Variants in COL22A1 observed in about 807,000 individuals in gnomAD.
COL22A1 encodes the protein collagen type XXII alpha 1 chain, also known as collagen alpha-1(XXII) chain.
COL22A1 carries 221 observed loss-of-function variants against 248.9 expected under a neutral mutation model. The ratio of observed to expected loss-of-function variants is 0.89; its 90% CI spans 0.80 to 0.99. The LOEUF (loss-of-function observed/expected upper bound fraction) is 0.99. COL22A1 is among the 50% of genes least tolerant of loss of function. The probability of loss-of-function intolerance (pLI) is 0.00; values close to 1 mark genes in which losing one functional copy is unlikely to be tolerated. For missense variants in COL22A1, 2,240 were observed against 2,179.0 expected, an observed-to-expected ratio of 1.03 and a Z score of -0.56; for synonymous variants, 891 against 793.4, an observed-to-expected ratio of 1.12 and a Z score of -2.07.
chr8:138,795,030 A>G (rs1305146269), intron 12 of COL22A1, among the ~76,000 whole-genome samples: 1 of 152,100 alleles, frequency 6.6e-6, no homozygotes, highest in Non-Finnish European at 1.5e-5. Flanking sequence ...CACACTTAAA[A>G]GTTTGTTAGG....
Position 138,662,026 on chromosome 8 carries a change from T to G in COL22A1, c.3240+4A>C, listed in dbSNP as rs1459380828. On this transcript the variant is annotated splice_donor_region_variant and intron_variant, in intron 43 of 64. Transcript: ENST00000303045. ...CTGAGTCCACGCCATTTCTCTGTAC[T>G]TACGTCCCGGCCGGCTGGGCCCTGG... is the stretch of plus-strand genomic sequence containing the variant. The G allele has an allele frequency of 1.2e-6, 2 of 1,611,406 alleles. No individual in the cohort carries two copies. The highest frequency in any genetic ancestry group is 1.7e-6 in the Non-Finnish European group (2 of 1,178,656).
intron 60 of COL22A1, among the ~76,000 whole-genome samples, chr8:138,601,113 C>A (rs190366709): frequency 6.6e-6 from 1 of 151,058 alleles, no homozygotes; most frequent in Non-Finnish European, 1.5e-5. Context: ...GGCTCTCAAC[C>A]GAAATTCAAG....
chr8:138,801,374 G>A (rs1049153449), intron 11 of COL22A1, among the ~76,000 whole-genome samples: 4 of 152,178 alleles, frequency 2.6e-5, no homozygotes, highest in Non-Finnish European at 5.9e-5. Context: ...CGTGCCAAGA[G>A]TAGATGGCAT....
chr8:138,894,809 C>T (rs929387314), intron 1 of COL22A1, among the ~76,000 whole-genome samples: 1 of 152,132 alleles, frequency 6.6e-6, no homozygotes, highest in East Asian at 1.9e-4. Flanking sequence ...TCTGTATTTT[C>T]AGTTTTCTTC....
At chr8:138,806,083 TGTAATG>T (rs1563788351) in intron 10 of COL22A1, among the ~76,000 whole-genome samples, 164 of 6,776 alleles carry the variant, frequency 0.024, 11 homozygotes, top group Admixed American at 0.027. Flanking sequence ...TGATGGTGTG[TGTAATG>T]GTGTGTGATG....
chr8:138,724,568 A>AT, intron 25 of COL22A1, 47 bp downstream of exon 25: 3 of 1,558,684 alleles, frequency 1.9e-6, no homozygotes, highest in Non-Finnish European at 2.7e-6. Context: ...CCCCAGAGCA[A>AT]TGGGGAGAGG....
At chr8:138,699,983 G>T in intron 32 of COL22A1, 129 bp downstream of exon 32, 1 of 863,846 alleles carries the variant, frequency 1.2e-6, no homozygotes. Flanking sequence ...CAGCAGCCCA[G>T]ATCCCTGACA....
chr8:138,599,016 C>A, intron 60 of COL22A1, 118 bp from the exon 61 acceptor site: 1 of 1,046,614 alleles, frequency 9.6e-7, no homozygotes, highest in Admixed American at 2.2e-5. Context: ...GACCTTGGCC[C>A]TGGGTGGCCC....
intron 1 of COL22A1, among the ~76,000 whole-genome samples, chr8:138,885,237 C>A (rs1291382438): frequency 6.6e-6 from 1 of 152,318 alleles, no homozygotes; most frequent in East Asian, 1.9e-4. Flanking sequence ...GGAACGCCCC[C>A]ACTCCACTTG....
At chr8:138,822,159 C>T (rs1819194764) in intron 6 of COL22A1, among the ~76,000 whole-genome samples, 1 of 152,134 alleles carries the variant, frequency 6.6e-6, no homozygotes, top group African/African-American at 2.4e-5. Context: ...ATTCTCTTCT[C>T]CCGCCTTAGT....
At chr8:138,767,539 T>A (rs185610772) in intron 16 of COL22A1, among the ~76,000 whole-genome samples, 1 of 152,280 alleles carries the variant, frequency 6.6e-6, no homozygotes, top group Admixed American at 6.5e-5. Context: ...GATTCTCATA[T>A]CCGGAATCAA....
rs1366034056 is a variant in COL22A1 at position 138,602,242 on chromosome 8, T to G, written c.4141-83A>C. ...CCTTGCTGGATATTCTTCACAGTCCTGCATGCTGAGGACAAGGGACCCTCA... is the reference window on the plus strand; with the variant it reads ...CCTTGCTGGATATTCTTCACAGTCCGGCATGCTGAGGACAAGGGACCCTCA... On this transcript the variant is annotated intron_variant, in intron 59 of 64. Transcript: ENST00000303045. 7 of 1,499,404 alleles carry G rather than the reference T, an allele frequency of 4.7e-6. No individual in the cohort carries two copies. In the East Asian group the frequency reaches 1.1e-4, roughly 24 times the overall value. 92.9% of individuals were successfully genotyped at this position (1,499,404 alleles called of 1,614,324 possible).
At chr8:138,673,702 A>G in intron 41 of COL22A1, among the ~76,000 whole-genome samples, 1 of 152,176 alleles carries the variant, frequency 6.6e-6, no homozygotes, top group Admixed American at 6.5e-5. Flanking sequence ...CATTGGCCAC[A>G]TCATGTCACC....
chr8:138,809,936 A>G (rs1196152137), intron 9 of COL22A1, among the ~76,000 whole-genome samples: 1 of 152,230 alleles, frequency 6.6e-6, no homozygotes, highest in African/African-American at 2.4e-5. Context: ...GAAAATACAG[A>G]CATGGAAAGA....
At chr8:138,636,181 C>G (rs1296614535) in intron 48 of COL22A1, among the ~76,000 whole-genome samples, 1 of 152,018 alleles carries the variant, frequency 6.6e-6, no homozygotes, top group Non-Finnish European at 1.5e-5. Flanking sequence ...CAGAAATCAG[C>G]TGGTTGTGCT....
intron 51 of COL22A1, among the ~76,000 whole-genome samples, chr8:138,625,256 A>T (rs1820141785): frequency 6.6e-6 from 1 of 152,138 alleles, no homozygotes; most frequent in Non-Finnish European, 1.5e-5. Context: ...GAAAGAAGGG[A>T]AGAGGCATCC....
intron 7 of COL22A1, among the ~76,000 whole-genome samples, chr8:138,815,846 T>C (rs779778131): frequency 2.0e-5 from 3 of 152,086 alleles, no homozygotes; most frequent in Non-Finnish European, 4.4e-5. Flanking sequence ...CATTGAACAC[T>C]GATGCAAAGT....
At chr8:138,691,326 T>C (rs1826843593) in intron 35 of COL22A1, among the ~76,000 whole-genome samples, 1 of 151,874 alleles carries the variant, frequency 6.6e-6, no homozygotes, top group Non-Finnish European at 1.5e-5. Flanking sequence ...TGTGGAAGCG[T>C]ATGTGTGTGC....
chr8:138,735,589 C>A (rs2131242778), intron 23 of COL22A1, among the ~76,000 whole-genome samples: 1 of 152,298 alleles, frequency 6.6e-6, no homozygotes, highest in East Asian at 1.9e-4. Flanking sequence ...TTAAAATACA[C>A]AAGGTTGACT....
Sources: allele counts gnomAD v4.1 joint callset (sites outside exome capture counted in the v4.1 genomes callset), GRCh38; gene constraint gnomAD v4.1.1; transcripts MANE v1.5; gene names NCBI Gene and HGNC (gene_info 2026-07-23, HGNC 2026-07-21).